Variants in TAFA1 observed in about 807,000 individuals in gnomAD.
TAFA1 encodes the protein TAFA chemokine like family member 1.
In TAFA1, 4 loss-of-function variants were observed where a neutral mutation model predicts 18.5. The observed-to-expected ratio is 0.22, with a 90% CI of 0.11 to 0.49. The LOEUF (loss-of-function observed/expected upper bound fraction) is 0.49. TAFA1 is among the 20% of genes least tolerant of loss of function. TAFA1 has a pLI of 0.98. For synonymous variants in TAFA1, 56 were observed against 55.2 expected (o/e 1.01, Z -0.06); for missense variants, 147 against 169.0 (o/e 0.87, Z 0.72).
chr3:68,143,077 A>C (rs2065690322), intron 2 of TAFA1, among the ~76,000 whole-genome samples: 1 of 152,184 alleles, frequency 6.6e-6, no homozygotes, highest in South Asian at 2.1e-4. Context: ...TAAGTTCAAG[A>C]CAGAAAATCT....
intron 3 of TAFA1, among the ~76,000 whole-genome samples, chr3:68,509,334 A>G (rs2072812056): frequency 6.6e-6 from 1 of 152,070 alleles, no homozygotes; most frequent in African/African-American, 2.4e-5. Flanking sequence ...AAGGTAGAGA[A>G]AAAAGCAGCT....
intron 2 of TAFA1, among the ~76,000 whole-genome samples, chr3:68,058,300 G>A (rs753438598): frequency 1.1e-4 from 17 of 152,140 alleles, no homozygotes; most frequent in Non-Finnish European, 2.2e-4. Flanking sequence ...TAAGCATTGA[G>A]CAAGATAATT....
chr3:68,161,765 C>T (rs1055638896), intron 2 of TAFA1, among the ~76,000 whole-genome samples: 4 of 152,022 alleles, frequency 2.6e-5, no homozygotes, highest in Admixed American at 1.3e-4. Flanking sequence ...TCAAGCTGGG[C>T]CTTGTTTACT....
At chr3:68,348,417 A>C (rs1415959625) in intron 2 of TAFA1, among the ~76,000 whole-genome samples, 2 of 152,152 alleles carry the variant, frequency 1.3e-5, no homozygotes, top group African/African-American at 4.8e-5. Context: ...TTCTTCTACC[A>C]TCAAATATAT....
chr3:68,300,485 A>T (rs1460044733), intron 2 of TAFA1, among the ~76,000 whole-genome samples: 1 of 152,154 alleles, frequency 6.6e-6, no homozygotes, highest in African/African-American at 2.4e-5. Context: ...TCCTAGGTGG[A>T]AGGGAGACTT....
At chr3:68,169,984 C>A (rs1355085268) in intron 2 of TAFA1, among the ~76,000 whole-genome samples, 2 of 152,140 alleles carry the variant, frequency 1.3e-5, no homozygotes. Flanking sequence ...AAATCTGCTT[C>A]TCCATAAAGG....
chr3:68,311,704 T>C (rs78376017), intron 2 of TAFA1, among the ~76,000 whole-genome samples: 3,938 of 152,326 alleles, frequency 0.026, 91 homozygotes, highest in East Asian at 0.098. Context: ...CAGCCTCCCT[T>C]CTGGCTGCTT....
intron 2 of TAFA1, among the ~76,000 whole-genome samples, chr3:68,057,971 C>T (rs1286573011): frequency 6.6e-6 from 1 of 152,158 alleles, no homozygotes; most frequent in Non-Finnish European, 1.5e-5. Context: ...GCATTTCAGA[C>T]TTCTGATCTC....
chr3:68,098,175 G>A lies in TAFA1; in HGVS notation c.118+91431G>A, dbSNP rs76189499. The stretch of plus-strand genomic sequence containing the variant: ...GTAGATTCAGTGTTTTAACAGAATC[G>A]TGATGGAAGTCAATAATTGAATGCA... On this transcript the variant is annotated intron_variant, in intron 2 of 4. Transcript: ENST00000478136. Among the ~76,000 whole-genome samples the A allele has an allele frequency of 8.1e-3, 1,238 of 152,182 alleles. 30 individuals are homozygous for A. The highest frequency in any genetic ancestry group is 0.073 in the East Asian group (376 of 5,174).
At chr3:68,070,265 T>C (rs2064736807) in intron 2 of TAFA1, among the ~76,000 whole-genome samples, 1 of 152,238 alleles carries the variant, frequency 6.6e-6, no homozygotes, top group African/African-American at 2.4e-5. Context: ...TCTGTGCAAC[T>C]GCAGGCTCAA....
intron 2 of TAFA1, among the ~76,000 whole-genome samples, chr3:68,088,055 A>G (rs72920753): frequency 1.3e-5 from 2 of 152,304 alleles, no homozygotes; most frequent in African/African-American, 4.8e-5. Flanking sequence ...TTTAGTTTGA[A>G]GTAACAACAT....
intron 2 of TAFA1, among the ~76,000 whole-genome samples, chr3:68,261,483 C>G (rs556624921): frequency 1.5e-4 from 23 of 152,272 alleles, no homozygotes; most frequent in African/African-American, 4.3e-4. Flanking sequence ...TATTGCGGCA[C>G]TATTCACAAT....
At chr3:68,379,641 T>C (rs2069891406) in intron 2 of TAFA1, among the ~76,000 whole-genome samples, 2 of 152,088 alleles carry the variant, frequency 1.3e-5, no homozygotes, top group African/African-American at 4.8e-5. Context: ...TACACTTAAG[T>C]CTTTAATTTT....
chr3:68,390,512 A>T (rs1464915471), intron 2 of TAFA1, among the ~76,000 whole-genome samples: 2 of 152,212 alleles, frequency 1.3e-5, no homozygotes, highest in Non-Finnish European at 2.9e-5. Context: ...CTGCTAAGGG[A>T]CAGACTGCCT....
At chr3:68,032,175 C>A (rs1174202787) in intron 2 of TAFA1, among the ~76,000 whole-genome samples, 1 of 152,014 alleles carries the variant, frequency 6.6e-6, no homozygotes, top group Admixed American at 6.6e-5. Flanking sequence ...ATATGAGATT[C>A]ATTAGTTGAA....
At chr3:68,408,769 C>T (rs189472186) in intron 2 of TAFA1, among the ~76,000 whole-genome samples, 4 of 152,036 alleles carry the variant, frequency 2.6e-5, no homozygotes, top group Non-Finnish European at 5.9e-5. Context: ...GCCAAACAGG[C>T]TAGACAACAA....
At chr3:68,527,162 A>G (rs1156640898) in intron 3 of TAFA1, among the ~76,000 whole-genome samples, 1 of 152,220 alleles carries the variant, frequency 6.6e-6, no homozygotes, top group Non-Finnish European at 1.5e-5. Flanking sequence ...CAAGACCAAC[A>G]TTCAGGATTT....
At chr3:68,217,664 G>A (rs1471111204) in intron 2 of TAFA1, among the ~76,000 whole-genome samples, 1 of 151,708 alleles carries the variant, frequency 6.6e-6, no homozygotes, top group Non-Finnish European at 1.5e-5. Flanking sequence ...TGCTGTGTGG[G>A]GATATAGGAA....
At chr3:68,247,798 A>G (rs1169696323) in intron 2 of TAFA1, 4 of 149,916 alleles carry the variant, frequency 2.7e-5, no homozygotes, top group Non-Finnish European at 5.9e-5. Context: ...TAATTGAATC[A>G]AGCTCTGGTG....
Sources: allele counts gnomAD v4.1 joint callset (sites outside exome capture counted in the v4.1 genomes callset), GRCh38; gene constraint gnomAD v4.1.1; transcripts MANE v1.5; gene names NCBI Gene and HGNC (gene_info 2026-07-23, HGNC 2026-07-21).